KCNN2: variants seen among roughly 807,000 people sequenced by gnomAD.
The protein encoded by KCNN2 is small conductance calcium-activated potassium channel protein 2.
A neutral mutation model predicts 55.5 loss-of-function variants in KCNN2; 24 were observed. The observed-to-expected ratio is 0.43, with a 90% CI of 0.31 to 0.61. KCNN2 has a LOEUF of 0.61. KCNN2 is among the 20% of genes least tolerant of loss of function. KCNN2 has a pLI of 0.08. For synonymous variants in KCNN2, 431 were observed against 336.1 expected, an observed-to-expected ratio of 1.28 and a Z score of -3.09; for missense variants, 754 against 853.6, an observed-to-expected ratio of 0.88 and a Z score of 1.45.
chr5:114,496,357 T>C lies in KCNN2; in HGVS notation c.*175T>C. The stretch of plus-strand genomic sequence containing the variant: ...AATGAGTGAAAACTCTTTTTTTTTC[T>C]TTCAGATGCACAGGGAATGCACCTA... On this transcript the variant is annotated 3_prime_UTR_variant, in exon 8 of 8. Coordinates refer to ENST00000673685, the MANE Select transcript of KCNN2 (RefSeq NM_021614.4). 3 of 631,440 alleles carry C rather than the reference T, an allele frequency of 4.8e-6. No individual in the cohort carries two copies. The highest frequency in any genetic ancestry group is 8.0e-6 in the Non-Finnish European group (3 of 373,744). 39.1% of individuals were successfully genotyped at this position (631,440 alleles called of 1,614,324 possible).
At chr5:114,364,083 C>A in intron 2 of KCNN2, 82 bp downstream of exon 2, 1 of 984,294 alleles carries the variant, frequency 1.0e-6, no homozygotes, top group Non-Finnish European at 1.6e-6. Context: ...AGGCTTTTTT[C>A]AAGCCATCAT....
chr5:114,221,640 A>T (rs888955487), intron 2 of KCNN2, among the ~76,000 whole-genome samples: 7 of 152,306 alleles, frequency 4.6e-5, no homozygotes, highest in Admixed American at 1.3e-4. Flanking sequence ...AACAAAAGTT[A>T]GGTCAGCTGA....
chr5:114,315,791 G>T (rs1346018152), intron 2 of KCNN2, among the ~76,000 whole-genome samples: 1 of 152,096 alleles, frequency 6.6e-6, no homozygotes, highest in East Asian at 1.9e-4. Context: ...ATATGTAATA[G>T]AAACAGATAA....
At chr5:114,378,171 A>G (rs55697384) in intron 2 of KCNN2, among the ~76,000 whole-genome samples, 5,478 of 152,296 alleles carry the variant, frequency 0.036, 302 homozygotes, top group African/African-American at 0.12. Flanking sequence ...GTATGTGTTT[A>G]TATATAAAAA....
At chr5:114,177,513 T>A (rs923875666) in intron 1 of KCNN2, among the ~76,000 whole-genome samples, 31 of 151,822 alleles carry the variant, frequency 2.0e-4, no homozygotes, top group Admixed American at 3.9e-4. Context: ...ATATATATAT[T>A]TTTTCCATTA....
At chr5:114,303,075 G>T (rs919441041) in intron 2 of KCNN2, among the ~76,000 whole-genome samples, 1 of 152,190 alleles carries the variant, frequency 6.6e-6, no homozygotes, top group African/African-American at 2.4e-5. Flanking sequence ...ATTCAATTTG[G>T]CATTCTGGCC....
chr5:114,469,790 G>C (rs1390620312), intron 4 of KCNN2, among the ~76,000 whole-genome samples: 1 of 152,140 alleles, frequency 6.6e-6, no homozygotes, highest in Non-Finnish European at 1.5e-5. Context: ...TCGGAAGTGA[G>C]CCAGCTTCAT....
chr5:114,306,861 C>T (rs908723304), intron 2 of KCNN2, among the ~76,000 whole-genome samples: 2 of 151,980 alleles, frequency 1.3e-5, no homozygotes, highest in Admixed American at 1.3e-4. Flanking sequence ...CCATCATTCC[C>T]AGCTAAGTTT....
intron 1 of KCNN2, among the ~76,000 whole-genome samples, chr5:114,140,398 G>A (rs1442766059): frequency 6.6e-6 from 1 of 152,140 alleles, no homozygotes; most frequent in Non-Finnish European, 1.5e-5. Flanking sequence ...TGCTGTCTCT[G>A]ATCTGTTTAC....
rs1270543555 is a variant in KCNN2 at position 114,393,504 on chromosome 5, TC to T, written c.1219-10931del. 3.3e-5 allele frequency among the ~76,000 whole-genome samples: 5 copies of T among 152,158 alleles called. No individual in the cohort carries two copies. The East Asian group carries it at 9.7e-4, about 29-fold the overall frequency. ...TGACAACCTCATTTATTCTCATTCT[TC>T]CCTCCTCTGTTTTTTAACCATAAAA... On this transcript the variant is annotated intron_variant, in intron 2 of 7. Transcript: ENST00000673685.
At chr5:114,179,020 G>C (rs2112551175) in intron 1 of KCNN2, among the ~76,000 whole-genome samples, 1 of 152,328 alleles carries the variant, frequency 6.6e-6, no homozygotes, top group Non-Finnish European at 1.5e-5. Flanking sequence ...ATCCCTCCAA[G>C]ACAGAATTCA....
chr5:114,078,901 T>C (rs982771137), intron 1 of KCNN2, among the ~76,000 whole-genome samples: 25 of 152,336 alleles, frequency 1.6e-4, no homozygotes, highest in African/African-American at 5.8e-4. Flanking sequence ...AGATGGGGTA[T>C]TTACAACAAT....
At chr5:114,074,878 T>C (rs941292374) in intron 1 of KCNN2, among the ~76,000 whole-genome samples, 20 of 152,188 alleles carry the variant, frequency 1.3e-4, no homozygotes, top group African/African-American at 4.6e-4. Context: ...CCAAGGGAAG[T>C]TGTTTAAAAG....
chr5:114,342,926 T>A (rs1215859314), intron 2 of KCNN2, among the ~76,000 whole-genome samples: 3 of 152,158 alleles, frequency 2.0e-5, no homozygotes, highest in Non-Finnish European at 1.5e-5. Context: ...CATGCCATGG[T>A]GGTTTGCCGT....
chr5:114,495,759 G>C, intron 7 of KCNN2, 136 bp from the exon 8 acceptor site: 2 of 747,426 alleles, frequency 2.7e-6, no homozygotes, highest in South Asian at 3.5e-5. Flanking sequence ...GGCTTTGCAA[G>C]ATGAGCTGTT....
At chr5:114,329,075 C>T (rs936617897) in intron 2 of KCNN2, among the ~76,000 whole-genome samples, 1 of 152,126 alleles carries the variant, frequency 6.6e-6, no homozygotes, top group Non-Finnish European at 1.5e-5. Flanking sequence ...TCTTTATATT[C>T]CTAGATACAT....
intron 1 of KCNN2, among the ~76,000 whole-genome samples, chr5:114,155,012 G>T (rs976587994): frequency 4.4e-4 from 67 of 152,034 alleles, no homozygotes; most frequent in African/African-American, 1.6e-3. Flanking sequence ...TCTATTAGTT[G>T]TTTTTCCTGA....
intron 1 of KCNN2, among the ~76,000 whole-genome samples, chr5:114,063,426 A>G (rs2112513533): frequency 6.6e-6 from 1 of 152,278 alleles, no homozygotes; most frequent in South Asian, 2.1e-4. Context: ...GTGCTTCTTA[A>G]ATTCATGGTT....
intron 3 of KCNN2, among the ~76,000 whole-genome samples, chr5:114,406,589 T>A (rs1758941783): frequency 6.6e-6 from 1 of 152,144 alleles, no homozygotes; most frequent in Admixed American, 6.5e-5. Flanking sequence ...TGCTTAGTTT[T>A]CTGTATACTT....
Sources: allele counts gnomAD v4.1 joint callset (sites outside exome capture counted in the v4.1 genomes callset), GRCh38; gene constraint gnomAD v4.1.1; transcripts MANE v1.5; gene names NCBI Gene and HGNC (gene_info 2026-07-23, HGNC 2026-07-21).